KAZN: variants seen among roughly 807,000 people sequenced by gnomAD.
KAZN encodes the protein kazrin.
Under a neutral mutation model 87.4 loss-of-function variants are expected in KAZN, and 40 were observed. That is an observed-to-expected ratio of 0.46 (90% CI 0.36 to 0.60). The LOEUF (loss-of-function observed/expected upper bound fraction) is 0.60. Ranked by LOEUF, KAZN falls within the 20% of genes least tolerant of loss-of-function variation. KAZN has a pLI of 0.00. For synonymous variants in KAZN, 466 were observed against 458.3 expected, an observed-to-expected ratio of 1.02 and a Z score of -0.22; for missense variants, 898 against 1,073.9, an observed-to-expected ratio of 0.84 and a Z score of 2.29.
intron 2 of KAZN, among the ~76,000 whole-genome samples, chr1:14,518,638 T>C (rs1393182096): frequency 6.6e-6 from 1 of 152,234 alleles, no homozygotes; most frequent in Non-Finnish European, 1.5e-5. Context: ...TGTTGAGCTG[T>C]GTGACAGTGC....
At chr1:14,205,896 A>AAAAAAAAAAAAAAAAAAAC (rs1386018632) in intron 2 of KAZN, among the ~76,000 whole-genome samples, 1 of 61,262 alleles carries the variant, frequency 1.6e-5, no homozygotes, top group South Asian at 6.3e-4. Flanking sequence ...AAAAAAAAAA[A>AAAAAAAAAAAAAAAAAAAC]AAAAAAAAAA....
chr1:14,125,043 G>A (rs943604108), intron 1 of KAZN, among the ~76,000 whole-genome samples: 2 of 152,124 alleles, frequency 1.3e-5, no homozygotes, highest in Non-Finnish European at 2.9e-5. Flanking sequence ...TAGCAAGATC[G>A]GATCATCCAC....
intron 1 of KAZN, among the ~76,000 whole-genome samples, chr1:14,905,145 GC>G (rs1278248606): frequency 6.6e-6 from 1 of 152,130 alleles, no homozygotes; most frequent in Non-Finnish European, 1.5e-5. Context: ...TGCAACCTCT[GC>G]CTTCTGGGTT....
intron 1 of KAZN, among the ~76,000 whole-genome samples, chr1:14,762,276 C>T (rs1424801042): frequency 6.6e-6 from 1 of 152,158 alleles, no homozygotes; most frequent in Non-Finnish European, 1.5e-5. Context: ...GGAATGTGAG[C>T]CGTATCCTGG....
chr1:14,419,452 C>G (rs571282117), intron 2 of KAZN, among the ~76,000 whole-genome samples: 3 of 152,304 alleles, frequency 2.0e-5, no homozygotes, highest in African/African-American at 4.8e-5. Flanking sequence ...TGTGCTCTGT[C>G]CAAGCCACTC....
At chr1:13,897,544 A>G (rs550464316) in intron 1 of KAZN, among the ~76,000 whole-genome samples, 6 of 152,294 alleles carry the variant, frequency 3.9e-5, no homozygotes, top group Admixed American at 3.9e-4. Context: ...AAGTCCTGGC[A>G]AGAACAGAGT....
intron 1 of KAZN, among the ~76,000 whole-genome samples, chr1:14,644,941 C>T (rs1222135171): frequency 6.6e-6 from 1 of 152,132 alleles, no homozygotes; most frequent in Non-Finnish European, 1.5e-5. Context: ...GTGGATTTTA[C>T]ATGTAAGTCT....
Position 15,094,806 on chromosome 1 carries a change from C to CG in KAZN, c.1429-4dup. On this transcript the variant is annotated splice_polypyrimidine_tract_variant and intron_variant, in intron 9 of 14. Coordinates refer to ENST00000376030, the MANE Select transcript of KAZN (RefSeq NM_201628.3). The surrounding 1 kb of genome is among the most constrained non-coding windows in gnomAD (Gnocchi z 4.5). ...CCAGCCCCCATATGACACTCCCTCC[C>CG]GGGGGCAGGTGCTGCTGAGCCTGAG... 2 of 1,543,944 alleles carry CG rather than the reference C, an allele frequency of 1.3e-6. No homozygotes were observed. Among genetic ancestry groups the CG allele is most frequent in the Non-Finnish European group, 1.8e-6 (2 of 1,141,430 alleles).
intron 2 of KAZN, among the ~76,000 whole-genome samples, chr1:15,002,025 C>T (rs1337555979): frequency 9.2e-5 from 14 of 151,940 alleles, no homozygotes; most frequent in Admixed American, 2.6e-4. Flanking sequence ...GGACTACAGG[C>T]GCCCGCCACC....
intron 2 of KAZN, among the ~76,000 whole-genome samples, chr1:14,221,623 C>T (rs925452127): frequency 2.8e-4 from 43 of 152,050 alleles, no homozygotes; most frequent in African/African-American, 1.0e-3. Flanking sequence ...TTACGAGTCA[C>T]CATTATTGCA....
intron 2 of KAZN, among the ~76,000 whole-genome samples, chr1:14,490,075 A>G (rs1414340936): frequency 6.6e-6 from 1 of 152,182 alleles, no homozygotes; most frequent in Non-Finnish European, 1.5e-5. Flanking sequence ...ATCCATTCTC[A>G]TCCTCTCAGC....
chr1:14,708,502 A>G (rs948115427), intron 1 of KAZN, among the ~76,000 whole-genome samples: 5 of 152,220 alleles, frequency 3.3e-5, no homozygotes, highest in Admixed American at 2.0e-4. Flanking sequence ...AGTGGTTCCC[A>G]TGGACTTTTC....
At position 14,949,988 on chromosome 1, in the gene KAZN, C is replaced by G. The variant is rs12035178; in HGVS notation, c.227-10696C>G. 0.26 allele frequency among the ~76,000 whole-genome samples: 38,976 copies of G among 151,850 alleles called. 5,656 individuals are homozygous for G. The highest frequency in any genetic ancestry group is 0.39 in the African/African-American group (16,008 of 41,322). ...CGGCTTCACCGGAAGAGCCTCTGCA[C>G]GGAAGACGGTTTCAACACCACCTAA... On this transcript the variant is annotated intron_variant, in intron 1 of 14. Transcript: ENST00000376030. The surrounding 1 kb of genome is among the most constrained non-coding windows in gnomAD (Gnocchi z 4.3).
At chr1:14,954,019 G>T (rs896189693) in intron 1 of KAZN, among the ~76,000 whole-genome samples, 2 of 152,192 alleles carry the variant, frequency 1.3e-5, no homozygotes, top group East Asian at 3.8e-4. Context: ...GCAAGGGTCT[G>T]CCCCAGCTCC....
chr1:14,941,348 TAAAC>T (rs1303335605), intron 1 of KAZN, among the ~76,000 whole-genome samples: 1 of 152,060 alleles, frequency 6.6e-6, no homozygotes, highest in Non-Finnish European at 1.5e-5. Context: ...CAAGGCCAAA[TAAAC>T]AGTATACTCA....
intron 2 of KAZN, among the ~76,000 whole-genome samples, chr1:14,207,351 T>C (rs1646767306): frequency 6.6e-6 from 1 of 152,224 alleles, no homozygotes; most frequent in South Asian, 2.1e-4. Context: ...TTGTTGCTTA[T>C]TGTCAGCTTC....
At chr1:14,180,993 C>T (rs570589662) in intron 2 of KAZN, among the ~76,000 whole-genome samples, 134 of 152,154 alleles carry the variant, frequency 8.8e-4, no homozygotes, top group Non-Finnish European at 1.2e-3. Flanking sequence ...GTACTCCTCC[C>T]GCCCCGCCCC....
At chr1:14,341,689 C>A (rs1657737965) in intron 2 of KAZN, among the ~76,000 whole-genome samples, 1 of 152,180 alleles carries the variant, frequency 6.6e-6, no homozygotes, top group Non-Finnish European at 1.5e-5. Flanking sequence ...GCCCTCCTAG[C>A]ACCCATATGG....
At chr1:14,403,885 G>C (rs1443229759) in intron 2 of KAZN, among the ~76,000 whole-genome samples, 1 of 151,994 alleles carries the variant, frequency 6.6e-6, no homozygotes, top group Admixed American at 6.6e-5. Context: ...CTATAGTGAA[G>C]TTAAGAGCGG....
Sources: allele counts gnomAD v4.1 joint callset (sites outside exome capture counted in the v4.1 genomes callset), GRCh38; gene constraint gnomAD v4.1.1; non-coding constraint Gnocchi (gnomAD v3.1); transcripts MANE v1.5; gene names NCBI Gene and HGNC (gene_info 2026-07-23, HGNC 2026-07-21).